The following HCN4 variants were observed in gnomAD, a reference collection of about 807,000 sequenced individuals.
HCN4 encodes potassium/sodium hyperpolarization-activated cyclic nucleotide-gated channel 4.
In HCN4, 29 loss-of-function variants were observed where a neutral mutation model predicts 76.9. The ratio of observed to expected loss-of-function variants is 0.38; its 90% CI spans 0.28 to 0.51. The LOEUF (loss-of-function observed/expected upper bound fraction) is 0.51, where lower values mean the gene tolerates loss of function less well. Among genes scored for constraint, HCN4 ranks in the 20% least tolerant of loss-of-function variants. The pLI is 0.90. For synonymous variants in HCN4, 772 were observed against 762.5 expected, an observed-to-expected ratio of 1.01 and a Z score of -0.21; for missense variants, 1,416 against 1,715.2, an observed-to-expected ratio of 0.83 and a Z score of 3.08.
chr15:73,321,264 G>C lies in HCN4; in HGVS notation c.*1217C>G, dbSNP rs1045591778. 1.3e-5 allele frequency: 2 copies of C among 152,192 alleles called. No individual in the cohort carries two copies. Among genetic ancestry groups the C allele is most frequent in the African/African-American group, 4.8e-5 (2 of 41,430 alleles). The allele number at this position is 152,192 out of a possible 1,614,324, so 9.4% of individuals were successfully genotyped here. A position where few individuals can be genotyped will look rare whatever the true frequency, so the allele number is the denominator to read the frequency against. Reference sequence around the variant, plus strand: ...ATCTGGTGTCTTCCTTCTGTACCATGCTTGGGGACCATCTACCTCAGCCCC... The same window carrying C: ...ATCTGGTGTCTTCCTTCTGTACCATCCTTGGGGACCATCTACCTCAGCCCC... On this transcript the variant is annotated 3_prime_UTR_variant, in exon 8 of 8. Transcript: ENST00000261917.
In HCN4 at chr15:73,343,824, G is replaced by C. The variant is rs1402162070; in HGVS notation, c.786-16C>G. On this transcript the variant is annotated splice_polypyrimidine_tract_variant and intron_variant, in intron 1 of 7. Transcript: ENST00000261917. The surrounding 1 kb of genome is among the most constrained non-coding windows in gnomAD (Gnocchi z 5.7). ...CCAGTAAAATCTGCCCAGAGACACA[G>C]GGGTCAGTCGCCAGGAAGAGAGAGA... 2 of 1,613,446 alleles carry C rather than the reference G, an allele frequency of 1.2e-6. No homozygotes were observed. Among genetic ancestry groups the C allele is most frequent in the South Asian group, 1.1e-5 (1 of 91,036 alleles).
intron 6 of HCN4, 67 bp downstream of exon 6, chr15:73,324,888 T>C: frequency 6.2e-7 from 1 of 1,600,332 alleles, no homozygotes; most frequent in South Asian, 1.1e-5. Context: ...CTCTGTCCCC[T>C]CGGTATCTCC....
intron 1 of HCN4, among the ~76,000 whole-genome samples, chr15:73,353,885 T>C (rs1349252718): frequency 6.6e-6 from 1 of 152,156 alleles, no homozygotes; most frequent in African/African-American, 2.4e-5. Flanking sequence ...CCAACCTTCC[T>C]GCCCAACCTC....
At chr15:73,341,622 G>A (rs962561738) in intron 2 of HCN4, among the ~76,000 whole-genome samples, 6 of 152,162 alleles carry the variant, frequency 3.9e-5, no homozygotes, top group Non-Finnish European at 8.8e-5. Flanking sequence ...TCTTAAATGC[G>A]CCATTCCACT....
chr15:73,330,404 G>A (rs1054808707), intron 3 of HCN4, among the ~76,000 whole-genome samples: 6 of 152,230 alleles, frequency 3.9e-5, no homozygotes, highest in South Asian at 2.1e-4. Context: ...CACACAAGGC[G>A]TGGGGACAGG....
At chr15:73,352,996 G>GGATGGACA (rs199602820) in intron 1 of HCN4, among the ~76,000 whole-genome samples, 8,521 of 151,090 alleles carry the variant, frequency 0.056, 572 homozygotes, top group African/African-American at 0.16. Context: ...TTAAATGGAT[G>GGATGGACA]GATGGACAGA....
At chr15:73,351,483 A>G (rs556720633) in intron 1 of HCN4, among the ~76,000 whole-genome samples, 1 of 152,272 alleles carries the variant, frequency 6.6e-6, no homozygotes, top group East Asian at 1.9e-4. Flanking sequence ...AGAAAATGGT[A>G]CCACCAGGCA....
In HCN4 at chr15:73,319,981, CTGTCTG is replaced by C. The variant is rs1249174848; in HGVS notation, c.*2494_*2499del. 1 of 152,134 alleles carries C rather than the reference CTGTCTG, an allele frequency of 6.6e-6. No individual in the cohort carries two copies. The highest frequency in any genetic ancestry group is 2.4e-5 in the African/African-American group (1 of 41,398). The allele number at this position is 152,134 out of a possible 1,614,324, so 9.4% of individuals were successfully genotyped here. ...GTGTGGGAGGGCCCATTGCCTGCACCTGTCTGTCCCAGTCTCTGCAGAGTGGCCAGG... is the reference window on the plus strand; with the variant it reads ...GTGTGGGAGGGCCCATTGCCTGCACCTCCCAGTCTCTGCAGAGTGGCCAGG... On this transcript the variant is annotated 3_prime_UTR_variant, in exon 8 of 8. Coordinates refer to ENST00000261917, the MANE Select transcript of HCN4 (RefSeq NM_005477.3).
At chr15:73,331,730 C>G (rs1200653075) in intron 3 of HCN4, among the ~76,000 whole-genome samples, 4 of 152,300 alleles carry the variant, frequency 2.6e-5, no homozygotes, top group Non-Finnish European at 1.5e-5. Flanking sequence ...CTGGTATGAG[C>G]CACTGCACCC....
intron 1 of HCN4, among the ~76,000 whole-genome samples, chr15:73,348,408 G>A (rs778902402): frequency 8.5e-5 from 13 of 152,104 alleles, no homozygotes; most frequent in South Asian, 2.1e-4. Flanking sequence ...GTGCACACAC[G>A]CACACACACA....
At position 73,323,423 on chromosome 15, in the gene HCN4, G is replaced by C. The variant is rs1447571299; in HGVS notation, c.2670C>G (p.Pro890=). The C allele has an allele frequency of 2.5e-6, 4 of 1,607,456 alleles. No homozygotes were observed. In the Admixed American group the frequency reaches 5.1e-5, roughly 20 times the overall value. Residue 890 remains proline (P), a synonymous_variant, in exon 8 of 8, where the codon CCC becomes CCG. Coordinates refer to ENST00000261917, the MANE Select transcript of HCN4 (RefSeq NM_005477.3). ...SSPPPGACGS[P]SAPTPSAGVA... Reference sequence around the variant, plus strand: ...CGCCAGCTGATGGTGTGGGAGCCGAGGGGGAGCCACAGGCCCCGGGGGGTG... The same window carrying C: ...CGCCAGCTGATGGTGTGGGAGCCGACGGGGAGCCACAGGCCCCGGGGGGTG...
rs114526414 is a variant in HCN4 at position 73,350,414 on chromosome 15, A to G, written c.786-6606T>C. Reference sequence around the variant, plus strand: ...AAATATCCAAGTTTCTTAGCTCCTCATGCCTCAATGTCATCATCATGGCCT... The same window carrying G: ...AAATATCCAAGTTTCTTAGCTCCTCGTGCCTCAATGTCATCATCATGGCCT... On this transcript the variant is annotated intron_variant, in intron 1 of 7. Transcript: ENST00000261917. Among the ~76,000 whole-genome samples, 638 of 152,186 alleles carry G rather than the reference A, an allele frequency of 4.2e-3. 3 individuals carry two copies. The highest frequency in any genetic ancestry group is 0.015 in the African/African-American group (606 of 41,508).
chr15:73,365,960 G>A lies in HCN4; in HGVS notation c.785+1526C>T, dbSNP rs546741973. Among the ~76,000 whole-genome samples, 4 of 152,280 alleles carry A rather than the reference G, an allele frequency of 2.6e-5. No individual in the cohort carries two copies. In the East Asian group the frequency reaches 5.8e-4, roughly 22 times the overall value. The stretch of plus-strand genomic sequence containing the variant: ...GCCCCTGCTCACTCCTCTCTAGCTC[G>A]GCCCAGGATCCTCAGGGCCCAGTAC... On this transcript the variant is annotated intron_variant, in intron 1 of 7. Coordinates refer to ENST00000261917, the MANE Select transcript of HCN4 (RefSeq NM_005477.3).
At chr15:73,366,358 T>C (rs2043128323) in intron 1 of HCN4, among the ~76,000 whole-genome samples, 1 of 152,098 alleles carries the variant, frequency 6.6e-6, no homozygotes, top group East Asian at 1.9e-4. Flanking sequence ...TGCTCATTTT[T>C]ATAGGCAGGC....
chr15:73,331,937 A>C (rs1478048514), intron 3 of HCN4, among the ~76,000 whole-genome samples, 194 bp downstream of exon 3: 1 of 152,150 alleles, frequency 6.6e-6, no homozygotes, highest in Non-Finnish European at 1.5e-5. Flanking sequence ...CCCAACCCAG[A>C]GCTGTGAATG....
Position 73,325,028 on chromosome 15 carries a change from G to T in HCN4, c.1905C>A (p.Ile635=). The T allele has an allele frequency of 2.5e-6, 4 of 1,614,204 alleles. No homozygotes were observed. The highest frequency in any genetic ancestry group is 3.4e-6 in the Non-Finnish European group (4 of 1,180,038). The change falls in exon 6 of 8, where the codon ATC becomes ATA. Residue 635 remains isoleucine, a synonymous_variant. Transcript: ENST00000261917. The surrounding 1 kb of genome is among the most constrained non-coding windows in gnomAD (Gnocchi z 7.4). ...EGTIGKKMYF[I]QHGVVSVLTK... ...TGAGCACGCTGACCACGCCATGCTG[G>T]ATGAAGTACATCTTCTTGCCAATGG...
At chr15:73,366,853 A>T (rs3784812) in intron 1 of HCN4, among the ~76,000 whole-genome samples, 136,402 of 152,258 alleles carry the variant, frequency 0.9, 61,281 homozygotes, top group East Asian at 0.97. Flanking sequence ...AAGGTCATTC[A>T]GCCCTGCCGC....
chr15:73,346,536 C>T (rs1257292557), intron 1 of HCN4, among the ~76,000 whole-genome samples: 1 of 152,056 alleles, frequency 6.6e-6, no homozygotes, highest in Non-Finnish European at 1.5e-5. Context: ...CTGTAATAGA[C>T]CCAGGAAAGC....
intron 1 of HCN4, among the ~76,000 whole-genome samples, chr15:73,366,145 A>C (rs2043127204): frequency 6.6e-6 from 1 of 151,860 alleles, no homozygotes; most frequent in Non-Finnish European, 1.5e-5. Flanking sequence ...GGAACCCTGG[A>C]GATATTAGGG....
Sources: gnomAD v4.1 joint callset for allele counts (sites outside exome capture counted in the v4.1 genomes callset) on GRCh38, gnomAD v4.1.1 for gene constraint, Gnocchi (gnomAD v3.1) non-coding constraint, MANE v1.5 for transcripts, NCBI Gene and HGNC (gene_info 2026-07-23, HGNC 2026-07-21) for gene names.